The following SMYD3 variants were observed in gnomAD, a reference collection of about 807,000 sequenced individuals.
SMYD3 encodes histone-lysine N-methyltransferase SMYD3.
SMYD3 carries 36 observed loss-of-function variants against 57.7 expected under a neutral mutation model. The observed-to-expected ratio is 0.62, with a 90% CI of 0.48 to 0.82. SMYD3 has a LOEUF of 0.82. Among genes scored for constraint, SMYD3 ranks in the 40% least tolerant of loss-of-function variants. SMYD3 has a pLI of 0.00. For synonymous variants in SMYD3, 211 were observed against 195.0 expected (o/e 1.08, Z -0.68); for missense variants, 515 against 538.8 (o/e 0.96, Z 0.44).
chr1:245,773,659 A>G (rs2046427289), intron 10 of SMYD3, among the ~76,000 whole-genome samples: 1 of 152,208 alleles, frequency 6.6e-6, no homozygotes, highest in African/African-American at 2.4e-5. Context: ...ATATGACAGC[A>G]CTATTTTTTT....
chr1:246,124,404 C>T (rs529233187), intron 5 of SMYD3, among the ~76,000 whole-genome samples: 68 of 152,072 alleles, frequency 4.5e-4, no homozygotes, highest in African/African-American at 1.1e-3. Flanking sequence ...TACAGCTGTA[C>T]GAGTTTTTTT....
chr1:246,484,073 C>T lies in SMYD3; in HGVS notation c.164+22981G>A, dbSNP rs7540559. On this transcript the variant is annotated intron_variant, in intron 1 of 11. Coordinates refer to ENST00000490107, the MANE Select transcript of SMYD3 (RefSeq NM_001167740.2). ...ATCACTTCAACCAAAATACCTAAAC[C>T]ATTGTACTAGTTACACCTAAAAACA... is the stretch of plus-strand genomic sequence containing the variant. Among the ~76,000 whole-genome samples the T allele has an allele frequency of 2.9e-3, 247 of 86,442 alleles. 32 individuals are homozygous for T. The highest frequency in any genetic ancestry group is 0.015 in the African/African-American group (206 of 13,860). 56.7% of individuals were successfully genotyped at this position (86,442 alleles called of 152,430 possible). A position where few individuals can be genotyped will look rare whatever the true frequency, so the allele number is the denominator to read the frequency against.
At position 246,077,925 on chromosome 1, in the gene SMYD3, T is replaced by G. The variant is rs112831447; in HGVS notation, c.532-147988A>C. ...GTTTGTCAAATAAAAACAAAATCTGTCTTCCTTTCTTTAGACTTTCAAAAT... is the reference window on the plus strand; with the variant it reads ...GTTTGTCAAATAAAAACAAAATCTGGCTTCCTTTCTTTAGACTTTCAAAAT... On this transcript the variant is annotated intron_variant, in intron 5 of 11. Coordinates refer to ENST00000490107, the MANE Select transcript of SMYD3 (RefSeq NM_001167740.2). Among the ~76,000 whole-genome samples the G allele has an allele frequency of 9.7e-3, 1,478 of 152,240 alleles. 20 individuals are homozygous for G. The highest frequency in any genetic ancestry group is 0.033 in the African/African-American group (1,383 of 41,528).
chr1:246,352,284 A>T (rs2065844262), intron 2 of SMYD3, among the ~76,000 whole-genome samples: 1 of 152,162 alleles, frequency 6.6e-6, no homozygotes, highest in South Asian at 2.1e-4. Context: ...GGTCCCACAC[A>T]TCAAATGCTA....
intron 5 of SMYD3, among the ~76,000 whole-genome samples, chr1:246,181,049 A>G (rs1359790276): frequency 2.0e-5 from 3 of 152,174 alleles, no homozygotes; most frequent in Admixed American, 2.0e-4. Context: ...AATTACTATC[A>G]TTCATCTCTC....
intron 10 of SMYD3, among the ~76,000 whole-genome samples, chr1:245,770,142 A>G (rs996653462): frequency 6.6e-6 from 1 of 152,240 alleles, no homozygotes; most frequent in African/African-American, 2.4e-5. Flanking sequence ...ACAAAAAAGT[A>G]TTTTTAAGAA....
chr1:245,914,290 A>T (rs1247081179), intron 8 of SMYD3, among the ~76,000 whole-genome samples: 1 of 152,266 alleles, frequency 6.6e-6, no homozygotes, highest in African/African-American at 2.4e-5. Flanking sequence ...AAAGGATAGA[A>T]AATCAGTATA....
At chr1:246,371,141 G>T (rs1313911544) in intron 1 of SMYD3, among the ~76,000 whole-genome samples, 3 of 152,050 alleles carry the variant, frequency 2.0e-5, no homozygotes, top group Non-Finnish European at 2.9e-5. Flanking sequence ...AAAACGCCAG[G>T]GTCCTTATGT....
chr1:246,327,248 C>T lies in SMYD3; in HGVS notation c.484G>A (p.Ala162Thr), dbSNP rs1456376983. 1.2e-6 allele frequency: 2 copies of T among 1,614,120 alleles called. No individual in the cohort carries two copies. The highest frequency in any genetic ancestry group is 2.2e-5 in the East Asian group (1 of 44,872). The change falls in exon 5 of 12, where the codon GCC becomes ACC. Residue 162 changes from alanine to threonine, a missense_variant. Physicochemically the swap from Ala to Thr is moderately conservative, Grantham distance 58. Transcript: ENST00000490107. ...TCAAAGGCAGGTGGCAGCTGAGAGG[C>T]ATCCTGTATTTCTTCTCTCATGAAA... is the stretch of plus-strand genomic sequence containing the variant. Reference protein sequence around the residue: ...QHFMREEIQDASQLPPAFDLF... With the variant: ...QHFMREEIQDTSQLPPAFDLF...
intron 1 of SMYD3, among the ~76,000 whole-genome samples, chr1:246,495,077 C>T (rs535156016): frequency 8.5e-5 from 13 of 152,222 alleles, no homozygotes; most frequent in African/African-American, 9.6e-5. Flanking sequence ...CTGCCGGGCG[C>T]GGTGGCTCAC....
chr1:246,346,858 G>T (rs2065728259), intron 2 of SMYD3, among the ~76,000 whole-genome samples: 2 of 152,178 alleles, frequency 1.3e-5, no homozygotes, highest in South Asian at 4.1e-4. Context: ...CTCAGATATG[G>T]CAAGGATGTT....
intron 10 of SMYD3, among the ~76,000 whole-genome samples, chr1:245,790,165 AAG>A (rs1423053313): frequency 6.6e-6 from 1 of 152,196 alleles, no homozygotes; most frequent in Non-Finnish European, 1.5e-5. Context: ...AAAAACTTAG[AAG>A]AGACACTTTC....
intron 1 of SMYD3, among the ~76,000 whole-genome samples, chr1:246,440,949 T>C (rs922187042): frequency 6.6e-6 from 1 of 152,160 alleles, no homozygotes; most frequent in Non-Finnish European, 1.5e-5. Flanking sequence ...AGACTATATA[T>C]GCCTACTGCT....
intron 10 of SMYD3, among the ~76,000 whole-genome samples, chr1:245,842,905 T>C (rs951198742): frequency 1.3e-5 from 2 of 152,172 alleles, no homozygotes; most frequent in Non-Finnish European, 2.9e-5. Context: ...AGACAAGGTC[T>C]TCCTATGTTA....
chr1:246,116,295 C>T (rs1412869270), intron 5 of SMYD3, among the ~76,000 whole-genome samples: 7 of 151,394 alleles, frequency 4.6e-5, no homozygotes, highest in African/African-American at 1.5e-4. Context: ...CAGTAGAGTA[C>T]AGCTAACACT....
intron 1 of SMYD3, among the ~76,000 whole-genome samples, chr1:246,379,327 A>C (rs1572440679): frequency 6.6e-6 from 1 of 152,092 alleles, no homozygotes; most frequent in African/African-American, 2.4e-5. Flanking sequence ...ATTACTCATT[A>C]TCATCACGGT....
chr1:246,362,000 C>A (rs2148714802), intron 1 of SMYD3, among the ~76,000 whole-genome samples: 1 of 152,250 alleles, frequency 6.6e-6, no homozygotes. Flanking sequence ...GCCCTGGACC[C>A]ATAGATCTCC....
intron 8 of SMYD3, among the ~76,000 whole-genome samples, chr1:245,881,254 T>C (rs887073334): frequency 6.6e-6 from 1 of 152,128 alleles, no homozygotes; most frequent in African/African-American, 2.4e-5. Flanking sequence ...ACCAGGGGCA[T>C]GAACTGCAAG....
chr1:245,964,376 CA>C (rs1285179019), intron 5 of SMYD3, among the ~76,000 whole-genome samples: 2 of 152,180 alleles, frequency 1.3e-5, no homozygotes, highest in Non-Finnish European at 2.9e-5. Context: ...GATTTACCAC[CA>C]CATCACTAAA....
Sources: allele counts gnomAD v4.1 joint callset (sites outside exome capture counted in the v4.1 genomes callset), GRCh38; gene constraint gnomAD v4.1.1; transcripts MANE v1.5; gene names NCBI Gene and HGNC (gene_info 2026-07-23, HGNC 2026-07-21).